The following DARS2 variants were observed in gnomAD, a reference collection of about 807,000 sequenced individuals.
DARS2 encodes the protein aspartyl-tRNA synthetase 2, mitochondrial.
A neutral mutation model predicts 83.0 loss-of-function variants in DARS2; 63 were observed. That is an observed-to-expected ratio of 0.76 (90% CI 0.62 to 0.94). The LOEUF (loss-of-function observed/expected upper bound fraction) is 0.94. Ranked by LOEUF, DARS2 falls within the 40% of genes least tolerant of loss-of-function variation. DARS2 has a pLI of 0.00. For synonymous variants in DARS2, 250 were observed against 269.3 expected (o/e 0.93, Z 0.70); for missense variants, 675 against 774.4 (o/e 0.87, Z 1.52).
chr1:173,834,424 C>G (rs1417637517), intron 6 of DARS2, 49 bp from the exon 7 acceptor site: 1 of 1,424,900 alleles, frequency 7.0e-7, no homozygotes, highest in African/African-American at 1.4e-5. Flanking sequence ...TCATATATGA[C>G]AAATTTCACA....
At chr1:173,844,996 G>A (rs745631686) in intron 11 of DARS2, among the ~76,000 whole-genome samples, 6 of 151,682 alleles carry the variant, frequency 4.0e-5, no homozygotes, top group Admixed American at 3.9e-4. Flanking sequence ...GTTTCACCAT[G>A]TTGGTCGGGC....
At chr1:173,842,665 C>T (rs992718672) in intron 11 of DARS2, among the ~76,000 whole-genome samples, 15 of 150,508 alleles carry the variant, frequency 1.0e-4, no homozygotes, top group Non-Finnish European at 1.8e-4. Flanking sequence ...ATGCGGGGCA[C>T]GGTAGCCCAC....
chr1:173,830,641 T>G lies in DARS2; in HGVS notation c.295-19T>G. On this transcript the variant is annotated intron_variant, in intron 3 of 16. Transcript: ENST00000649689. ...AAGTTCATTTGTTTCTCAGAACTCTTTTCCCCCTTGTTCTGTAGTCGGCAG... is the reference window on the plus strand; with the variant it reads ...AAGTTCATTTGTTTCTCAGAACTCTGTTCCCCCTTGTTCTGTAGTCGGCAG... The G allele has an allele frequency of 6.3e-7, 1 of 1,592,898 alleles. No individual in the cohort carries two copies. The highest frequency in any genetic ancestry group is 2.2e-5 in the East Asian group (1 of 44,752).
chr1:173,830,821 T>A, intron 4 of DARS2, 60 bp downstream of exon 4: 1 of 1,297,726 alleles, frequency 7.7e-7, no homozygotes, highest in Non-Finnish European at 1.1e-6. Context: ...ACCATCTGTG[T>A]ACACATTCTG....
rs57068378 is a variant in DARS2 at position 173,856,760 on chromosome 1, T to G, written c.1750+19T>G. The G allele has an allele frequency of 0.012, 18,725 of 1,608,190 alleles. 1,877 individuals are homozygous for G. In the African/African-American group the frequency reaches 0.22, roughly 18 times the overall value. On this transcript the variant is annotated intron_variant, in intron 16 of 16. Transcript: ENST00000649689. ...GCCTTAGGTAAACAACTTTTCCTTT[T>G]ATAAGATAAACTGAATTCCATTGCA...
intron 5 of DARS2, among the ~76,000 whole-genome samples, chr1:173,833,084 A>G (rs562591262): frequency 6.6e-6 from 1 of 152,312 alleles, no homozygotes; most frequent in African/African-American, 2.4e-5. Context: ...TGAAATCTTT[A>G]AATTTTTTTC....
chr1:173,828,312 TTCCCC>T lies in DARS2; in HGVS notation c.228-20_228-16del. 4 of 1,551,308 alleles carry T rather than the reference TTCCCC, an allele frequency of 2.6e-6. No homozygotes were observed. The highest frequency in any genetic ancestry group is 3.5e-6 in the Non-Finnish European group (4 of 1,133,040). On this transcript the variant is annotated splice_polypyrimidine_tract_variant and intron_variant, in intron 2 of 16. Coordinates refer to ENST00000649689, the MANE Select transcript of DARS2 (RefSeq NM_018122.5). ...GAGATTTTATCTTAAAATGTTTCTT[TTCCCC>T]CCCCCCATTAATCAGGCAAAACACA... is the stretch of plus-strand genomic sequence containing the variant.
At chr1:173,853,952 A>G (rs781389964) in intron 15 of DARS2, 47 bp downstream of exon 15, 5 of 1,514,846 alleles carry the variant, frequency 3.3e-6, no homozygotes, top group African/African-American at 2.7e-5. Context: ...TTACCAGAAT[A>G]TTTTTCAGTT....
At chr1:173,838,280 G>A (rs1557857960) in intron 9 of DARS2, 21 bp downstream of exon 9, 1 of 1,593,242 alleles carries the variant, frequency 6.3e-7, no homozygotes, top group Non-Finnish European at 8.6e-7. Context: ...ATATTCACTT[G>A]TTTCTTAAAA....
chr1:173,835,395 A>C (rs1652966506), intron 7 of DARS2, among the ~76,000 whole-genome samples: 1 of 149,596 alleles, frequency 6.7e-6, no homozygotes, highest in Non-Finnish European at 1.5e-5. Context: ...CCAGCCAATG[A>C]ATTGGTTCTT....
intron 10 of DARS2, 99 bp from the exon 11 acceptor site, chr1:173,840,767 A>G (rs1280897390): frequency 1.4e-6 from 1 of 736,252 alleles, no homozygotes; most frequent in Admixed American, 2.0e-5. Context: ...ATGTTAAATT[A>G]TCAAGATCTA....
intron 4 of DARS2, 100 bp from the exon 5 acceptor site, chr1:173,831,435 A>G: frequency 1.1e-6 from 1 of 935,900 alleles, no homozygotes. Context: ...AGGACTTTGC[A>G]CATTTTACAT....
intron 15 of DARS2, 106 bp downstream of exon 15, chr1:173,854,011 TG>T: frequency 2.0e-6 from 2 of 981,334 alleles, no homozygotes; most frequent in Non-Finnish European, 3.1e-6. Context: ...TGAGACATTC[TG>T]TCACCCAGGC....
Position 173,840,953 on chromosome 1 carries a change from A to G in DARS2, c.1108A>G (p.Ile370Val), listed in dbSNP as rs1653180502. Reference sequence around the variant, plus strand: ...TAAGCCCCATGGAACTGTGAAAGCCATATGTATCCCTGAAGGAGCAGTAAG... The same window carrying G: ...TAAGCCCCATGGAACTGTGAAAGCCGTATGTATCCCTGAAGGAGCAGTAAG... ...LSKPHGTVKA[I>V]CIPEGAKYLK... Residue 370 changes from isoleucine to valine, a missense_variant, in exon 11 of 17, where the codon ATA (isoleucine) becomes GTA (valine). Ile to Val is a conservative substitution (Grantham distance 29, BLOSUM62 3). Coordinates refer to ENST00000649689, the MANE Select transcript of DARS2 (RefSeq NM_018122.5). 3 of 1,605,898 alleles carry G rather than the reference A, an allele frequency of 1.9e-6. No homozygotes were observed. Among genetic ancestry groups the G allele is most frequent in the South Asian group, 2.2e-5 (2 of 90,966 alleles).
chr1:173,825,353 C>A lies in DARS2; in HGVS notation c.124C>A (p.Pro42Thr), dbSNP rs762825877. 2 of 1,612,856 alleles carry A rather than the reference C, an allele frequency of 1.2e-6. No individual in the cohort carries two copies. The highest frequency in any genetic ancestry group is 1.7e-6 in the Non-Finnish European group (2 of 1,179,390). ...SLLQSSQRRIPEFSSFVVRTN... is the reference protein window; with the variant it reads ...SLLQSSQRRITEFSSFVVRTN... ...GTTGCAGAGTTCACAGAGGAGAATT[C>A]CAGGTGAAAATAGCGAAGAGATCTA... Residue 42 changes from proline (P) to threonine (T), a missense_variant, in exon 1 of 17, where the codon CCA (proline) becomes ACA (threonine). Pro to Thr is a conservative substitution (Grantham distance 38, BLOSUM62 -1). Transcript: ENST00000649689.
At chr1:173,855,561 C>T (rs962050977) in intron 15 of DARS2, among the ~76,000 whole-genome samples, 6 of 152,154 alleles carry the variant, frequency 3.9e-5, no homozygotes, top group Non-Finnish European at 7.4e-5. Flanking sequence ...CCTCAAACTC[C>T]TGGGATCAAG....
At position 173,834,473 on chromosome 1, in the gene DARS2, G is replaced by T; in HGVS notation, c.617G>T (p.Gly206Val). The change falls in exon 7 of 17, where the codon GGG becomes GTG. Residue 206 changes from glycine to valine, a missense_variant and splice_region_variant. Gly to Val is a moderately radical substitution (Grantham distance 109). Transcript: ENST00000649689. ...KMREYLCNLH[G>V]FVDIETPTLF... ...AGTGATAATGTTTCTCTCTTTTTAG[G>T]GTTTGTGGATATAGAAACCCCCACA... 1 of 1,605,916 alleles carries T rather than the reference G, an allele frequency of 6.2e-7. No individual in the cohort carries two copies. The highest frequency in any genetic ancestry group is 1.1e-5 in the South Asian group (1 of 90,894).
Position 173,850,464 on chromosome 1 carries a change from A to G in DARS2, c.1329A>G (p.Gly443=). Residue 443 remains glycine (G), a synonymous_variant, in exon 13 of 17, where the codon GGA becomes GGG. Transcript: ENST00000649689. ...AAGATGTGGTCCTACTAACTGCTGG[A>G]GAGCACAATAAAGCAGTAAGAAAAA... ...QEEDVVLLTA[G]EHNKACSLLG... 1.9e-6 allele frequency: 3 copies of G among 1,614,002 alleles called. No homozygotes were observed. Among genetic ancestry groups the G allele is most frequent in the Non-Finnish European group, 1.7e-6 (2 of 1,179,928 alleles).
intron 4 of DARS2, among the ~76,000 whole-genome samples, chr1:173,831,247 G>A (rs1366607773): frequency 1.4e-4 from 20 of 147,680 alleles, no homozygotes; most frequent in Non-Finnish European, 2.7e-4. Context: ...GGGTCTTGCA[G>A]TATTACCCAG....
Sources: allele counts gnomAD v4.1 joint callset (sites outside exome capture counted in the v4.1 genomes callset), GRCh38; gene constraint gnomAD v4.1.1; transcripts MANE v1.5; gene names NCBI Gene and HGNC (gene_info 2026-07-23, HGNC 2026-07-21).